DIPK2A: variants seen among roughly 807,000 people sequenced by gnomAD.
DIPK2A encodes the protein Golgi Protein of 49 kDa.
A neutral mutation model predicts 39.0 loss-of-function variants in DIPK2A; 27 were observed. The observed-to-expected ratio is 0.69, with a 90% CI of 0.51 to 0.96. DIPK2A has a LOEUF of 0.96. Among genes scored for constraint, DIPK2A ranks in the 40% least tolerant of loss-of-function variants. DIPK2A has a pLI of 0.00. For synonymous variants in DIPK2A, 298 were observed against 240.8 expected (o/e 1.24, Z -2.20); for missense variants, 528 against 571.3 (o/e 0.92, Z 0.77).
intron 1 of DIPK2A, among the ~76,000 whole-genome samples, chr3:143,975,611 T>C (rs890394065): frequency 6.6e-6 from 1 of 150,980 alleles, no homozygotes; most frequent in Non-Finnish European, 1.5e-5. Flanking sequence ...TAAAACTGTT[T>C]ATAGCTGTTT....
chr3:143,973,463 C>G, intron 1 of DIPK2A: 1 of 1,551,472 alleles, frequency 6.4e-7, no homozygotes, highest in East Asian at 2.4e-5. Context: ...ACTTCGGTCT[C>G]AGAGTCTTTG....
At chr3:143,979,756 T>G (rs1027644597) in intron 1 of DIPK2A, among the ~76,000 whole-genome samples, 1 of 152,210 alleles carries the variant, frequency 6.6e-6, no homozygotes, top group Non-Finnish European at 1.5e-5. Flanking sequence ...CTATTTCTAT[T>G]AAATTTAGTT....
At chr3:143,973,333 C>G in intron 1 of DIPK2A, 1 of 1,540,814 alleles carries the variant, frequency 6.5e-7, no homozygotes. Flanking sequence ...CTGCTTTTAT[C>G]TGCCGGGGCT....
chr3:143,976,531 AGTGTGT>A (rs34741607), intron 1 of DIPK2A, among the ~76,000 whole-genome samples: 5 of 142,632 alleles, frequency 3.5e-5, no homozygotes, highest in Non-Finnish European at 4.5e-5. Context: ...AGAAAGGGAG[AGTGTGT>A]GTGTGTGTGT....
rs3083101 is a variant in DIPK2A, at chr3:143,980,271, G to GTGTCTGTC, written c.658-5266_658-5259dup. ...GCTCTTTCTTTCTTTTCTTTCTTAT[G>GTGTCTGTC]TGTCTGTCTGTCTTTATTTTGATGG... On this transcript the variant is annotated intron_variant, in intron 1 of 2. Transcript: ENST00000315691. 7.9e-5 allele frequency among the ~76,000 whole-genome samples: 12 copies of GTGTCTGTC among 151,536 alleles called. No homozygotes were observed. The East Asian group carries it at 2.3e-3, about 30-fold the overall frequency.
chr3:143,986,894 G>T (rs1161921360), intron 2 of DIPK2A, among the ~76,000 whole-genome samples: 3 of 151,980 alleles, frequency 2.0e-5, no homozygotes, highest in Admixed American at 2.0e-4. Context: ...CCTGATAAAA[G>T]TAATATGAGT....
chr3:143,983,212 G>A (rs1056427589), intron 1 of DIPK2A, among the ~76,000 whole-genome samples: 1 of 152,032 alleles, frequency 6.6e-6, no homozygotes, highest in African/African-American at 2.4e-5. Flanking sequence ...CTCAGCTCTG[G>A]ACCAAGTGGA....
At chr3:143,981,288 A>G (rs1017306252) in intron 1 of DIPK2A, among the ~76,000 whole-genome samples, 68 of 152,350 alleles carry the variant, frequency 4.5e-4, no homozygotes, top group Non-Finnish European at 8.1e-4. Flanking sequence ...TGGCATACAT[A>G]TAGATGATGC....
Position 143,972,419 on chromosome 3 carries a change from G to A in DIPK2A, c.87G>A (p.Val29=), listed in dbSNP as rs761520675. ...TGGGCAGCCTGTTGGTGCTGATGGTGCTGCACTCGCCGTCGCTGCTCGCCT... is the reference window on the plus strand; with the variant it reads ...TGGGCAGCCTGTTGGTGCTGATGGTACTGCACTCGCCGTCGCTGCTCGCCT... The part of the protein sequence containing the change: ...AALGSLLVLM[V]LHSPSLLASW... The change falls in exon 1 of 3, where the codon GTG becomes GTA. Residue 29 remains valine, a synonymous_variant. Transcript: ENST00000315691. The A allele has an allele frequency of 6.4e-7, 1 of 1,552,360 alleles. No individual in the cohort carries two copies. Among genetic ancestry groups the A allele is most frequent in the South Asian group, 1.2e-5 (1 of 82,334 alleles).
intron 1 of DIPK2A, among the ~76,000 whole-genome samples, chr3:143,983,861 G>A (rs2087861431): frequency 6.6e-6 from 1 of 152,100 alleles, no homozygotes; most frequent in Non-Finnish European, 1.5e-5. Context: ...TTTGTATTGG[G>A]AAGGCTGTTT....
At chr3:143,978,685 T>TAG (rs1346976385) in intron 1 of DIPK2A, among the ~76,000 whole-genome samples, 2 of 116,186 alleles carry the variant, frequency 1.7e-5, no homozygotes, top group East Asian at 2.3e-4. Context: ...TATATATCTA[T>TAG]ATATATATAT....
At chr3:143,984,908 T>C (rs7616037) in intron 1 of DIPK2A, among the ~76,000 whole-genome samples, 20,099 of 152,096 alleles carry the variant, frequency 0.13, 2,977 homozygotes, top group African/African-American at 0.37. Flanking sequence ...GTAAAAGACA[T>C]CTCTCAAGAA....
intron 1 of DIPK2A, among the ~76,000 whole-genome samples, chr3:143,980,339 T>G (rs2087809332): frequency 6.6e-6 from 1 of 152,112 alleles, no homozygotes; most frequent in Non-Finnish European, 1.5e-5. Flanking sequence ...GTGATCTCAG[T>G]TCACTGTAAC....
intron 1 of DIPK2A, among the ~76,000 whole-genome samples, chr3:143,975,631 C>G (rs184279285): frequency 8.2e-6 from 1 of 122,182 alleles, no homozygotes; most frequent in African/African-American, 4.3e-5. Flanking sequence ...TACAGTAATA[C>G]TGGGATATTA....
intron 1 of DIPK2A, chr3:143,978,598 C>CTATATATATA (rs2087764175): frequency 3.6e-5 from 2 of 55,568 alleles, no homozygotes; most frequent in South Asian, 4.7e-4. Flanking sequence ...ATCTATCTAT[C>CTATATATATA]TATCTATATA....
intron 2 of DIPK2A, 83 bp downstream of exon 2, chr3:143,985,929 A>C (rs1207181059): frequency 6.9e-6 from 8 of 1,161,074 alleles, no homozygotes; most frequent in Non-Finnish European, 9.6e-6. Flanking sequence ...ATGAGCCTTG[A>C]ATTTCCTCCT....
chr3:143,985,768 G>T lies in DIPK2A; in HGVS notation c.883G>T (p.Val295Phe), dbSNP rs2087890183. 3 of 1,614,064 alleles carry T rather than the reference G, an allele frequency of 1.9e-6. No homozygotes were observed. The highest frequency in any genetic ancestry group is 1.3e-5 in the African/African-American group (1 of 74,956). ...LLDVSFDNFA[V>F]GPRDGKVIIV... ...GGACGTCAGCTTTGACAATTTTGCA[G>T]TTGGTCCTAGAGATGGGAAGGTAAT... The change falls in exon 2 of 3, where the codon GTT (valine) becomes TTT (phenylalanine). Residue 295 changes from valine to phenylalanine, a missense_variant. By Grantham distance (50) the Val-to-Phe change is conservative. This residue lies in a region of DIPK2A where 219 missense variants were observed against 281.5 expected (regional missense o/e 0.78). Coordinates refer to ENST00000315691, the MANE Select transcript of DIPK2A (RefSeq NM_173552.5).
In DIPK2A at chr3:143,989,850, G is replaced by T; in HGVS notation, c.*9G>T. On this transcript the variant is annotated 3_prime_UTR_variant, in exon 3 of 3. Coordinates refer to ENST00000315691, the MANE Select transcript of DIPK2A (RefSeq NM_173552.5). ...GTAACAACGTGAGGTAGTCTATGGT[G>T]AACTTTTCTTTTTTTCTCCATTTAA... 6.3e-7 allele frequency: 1 copy of T among 1,595,966 alleles called. No individual in the cohort carries two copies. Among genetic ancestry groups the T allele is most frequent in the South Asian group, 1.1e-5 (1 of 90,070 alleles).
At position 143,990,915 on chromosome 3, in the gene DIPK2A, A is replaced by G. The variant is rs1441307003; in HGVS notation, c.*1074A>G. The G allele has an allele frequency of 6.6e-6, 1 of 152,480 alleles. No individual in the cohort carries two copies. 9.4% of individuals were successfully genotyped at this position (152,480 alleles called of 1,614,324 possible). A position where few individuals can be genotyped will look rare whatever the true frequency, so the allele number is the denominator to read the frequency against. ...CTTTCAAGTAATTTAAAGTTATCCTACCTTTTATTCATGGGTAGTTTTGCA... is the reference window on the plus strand; with the variant it reads ...CTTTCAAGTAATTTAAAGTTATCCTGCCTTTTATTCATGGGTAGTTTTGCA... On this transcript the variant is annotated 3_prime_UTR_variant, in exon 3 of 3. Transcript: ENST00000315691.
Sources: allele counts gnomAD v4.1 joint callset (sites outside exome capture counted in the v4.1 genomes callset), GRCh38; gene constraint gnomAD v4.1.1; regional missense constraint gnomAD v4.1.1; transcripts MANE v1.5; gene names NCBI Gene and HGNC (gene_info 2026-07-23, HGNC 2026-07-21).